The following NOL4L variants were observed in gnomAD, a reference collection of about 807,000 sequenced individuals.
NOL4L encodes nucleolar protein 4 like.
A neutral mutation model predicts 64.5 loss-of-function variants in NOL4L; 7 were observed. That is an observed-to-expected ratio of 0.11 (90% CI 0.06 to 0.20). The LOEUF is 0.20. Among genes scored for constraint, NOL4L ranks in the 10% least tolerant of loss-of-function variants. The pLI is 1.00. For synonymous variants in NOL4L, 413 were observed against 401.0 expected (o/e 1.03, Z -0.36); for missense variants, 680 against 967.1 (o/e 0.70, Z 3.94).
At chr20:32,481,165 C>G (rs1050744116) in intron 4 of NOL4L, among the ~76,000 whole-genome samples, 3 of 152,214 alleles carry the variant, frequency 2.0e-5, no homozygotes, top group African/African-American at 7.2e-5. Flanking sequence ...TGGAAGTGAG[C>G]ATTTCCCACA....
At chr20:32,580,260 C>T (rs1249896991) in intron 1 of NOL4L, among the ~76,000 whole-genome samples, 7 of 152,098 alleles carry the variant, frequency 4.6e-5, no homozygotes, top group African/African-American at 9.7e-5. Context: ...CAAGCTGATG[C>T]GTATCAGCGC....
At chr20:32,483,754 G>A (rs1161537167) in intron 4 of NOL4L, among the ~76,000 whole-genome samples, 1 of 131,828 alleles carries the variant, frequency 7.6e-6, no homozygotes, top group African/African-American at 2.9e-5. Flanking sequence ...GGAGGAGTGG[G>A]CACGGGGGGA....
At chr20:32,502,853 C>A (rs531816043) in intron 4 of NOL4L, among the ~76,000 whole-genome samples, 2 of 151,902 alleles carry the variant, frequency 1.3e-5, no homozygotes, top group African/African-American at 2.4e-5. Context: ...GAGGTTGCAA[C>A]GAGCCGAGAT....
chr20:32,499,229 G>A (rs2016820394), intron 4 of NOL4L, among the ~76,000 whole-genome samples: 3 of 152,064 alleles, frequency 2.0e-5, no homozygotes, highest in Non-Finnish European at 1.5e-5. Context: ...ACCATTTTAG[G>A]AGGATGGGGA....
chr20:32,549,388 A>T (rs1222965139), intron 1 of NOL4L, among the ~76,000 whole-genome samples: 1 of 152,216 alleles, frequency 6.6e-6, no homozygotes, highest in Non-Finnish European at 1.5e-5. Context: ...CCATCAGGGA[A>T]ATGCAAATCA....
chr20:32,517,134 G>A (rs1046791023), intron 3 of NOL4L, among the ~76,000 whole-genome samples: 34 of 152,164 alleles, frequency 2.2e-4, no homozygotes, highest in Non-Finnish European at 8.8e-5. Flanking sequence ...GGGAGGGCAC[G>A]GGGCTGTCCA....
rs370567175 is a variant in NOL4L at position 32,474,747 on chromosome 20, G to C, written c.700-5C>G. 2.1e-5 allele frequency: 34 copies of C among 1,604,406 alleles called. No individual in the cohort carries two copies. The highest frequency in any genetic ancestry group is 2.7e-5 in the Non-Finnish European group (32 of 1,174,618). On this transcript the variant is annotated splice_region_variant and splice_polypyrimidine_tract_variant and intron_variant, in intron 4 of 10. Transcript: ENST00000621426. Reference sequence around the variant, plus strand: ...GCTGCTCACAGAAGTCTCATCCTGAGCAGGGACAAAGAAGGTGGGCATTCA... The same window carrying C: ...GCTGCTCACAGAAGTCTCATCCTGACCAGGGACAAAGAAGGTGGGCATTCA...
At chr20:32,518,495 A>C (rs1426223985) in intron 3 of NOL4L, among the ~76,000 whole-genome samples, 1 of 152,232 alleles carries the variant, frequency 6.6e-6, no homozygotes, top group East Asian at 1.9e-4. Context: ...CGCAGCCATC[A>C]GTGAGGAGTG....
intron 5 of NOL4L, among the ~76,000 whole-genome samples, chr20:32,465,656 G>A (rs942129883): frequency 2.0e-5 from 3 of 152,258 alleles, no homozygotes; most frequent in Non-Finnish European, 2.9e-5. Flanking sequence ...AGGCCACCAT[G>A]TGTGAATGAT....
At position 32,479,867 on chromosome 20, in the gene NOL4L, G is replaced by A. The variant is rs2015613502; in HGVS notation, c.700-5125C>T. ...CCCCAACCTGGGAGCCCTGCCTCTG[G>A]GGCAGAGGGAGAGGAGCTGACCAGA... is the stretch of plus-strand genomic sequence containing the variant. On this transcript the variant is annotated intron_variant, in intron 4 of 10. Transcript: ENST00000621426. 2.0e-5 allele frequency among the ~76,000 whole-genome samples: 3 copies of A among 152,184 alleles called. No individual in the cohort carries two copies. The South Asian group carries it at 6.2e-4, about 32-fold the overall frequency.
At chr20:32,568,204 T>C (rs896680645) in intron 1 of NOL4L, among the ~76,000 whole-genome samples, 2 of 152,084 alleles carry the variant, frequency 1.3e-5, no homozygotes, top group Non-Finnish European at 2.9e-5. Context: ...AACTGTGTCA[T>C]GTAGCATCCG....
intron 10 of NOL4L, chr20:32,450,561 T>C (rs2012786980): frequency 1.3e-5 from 2 of 152,346 alleles, no homozygotes; most frequent in Non-Finnish European, 2.9e-5. Context: ...GGCTGCTGTT[T>C]GTGCCTCTTG....
chr20:32,476,198 G>GACAC (rs1167969757), intron 4 of NOL4L, among the ~76,000 whole-genome samples: 69,154 of 140,872 alleles, frequency 0.49, 18,027 homozygotes, highest in Middle Eastern at 0.64. Context: ...CACCCGGAGG[G>GACAC]ACACACACAC....
chr20:32,545,693 A>C (rs1284286173), intron 1 of NOL4L, among the ~76,000 whole-genome samples: 19 of 152,108 alleles, frequency 1.2e-4, no homozygotes, highest in Admixed American at 1.2e-3. Flanking sequence ...CATCCCATCC[A>C]TCAGCAAGTT....
chr20:32,521,961 T>TGAG (rs1408026724), intron 2 of NOL4L, among the ~76,000 whole-genome samples: 1 of 152,198 alleles, frequency 6.6e-6, no homozygotes, highest in African/African-American at 2.4e-5. Flanking sequence ...TGGCCAAGGG[T>TGAG]GAGGGGCTGC....
At chr20:32,492,301 A>C (rs1393930812) in intron 4 of NOL4L, among the ~76,000 whole-genome samples, 9 of 152,180 alleles carry the variant, frequency 5.9e-5, no homozygotes, top group Non-Finnish European at 1.0e-4. Flanking sequence ...ATGCTCACAC[A>C]CTTATGCTTG....
At chr20:32,576,506 G>A (rs1349843068) in intron 1 of NOL4L, among the ~76,000 whole-genome samples, 1 of 152,176 alleles carries the variant, frequency 6.6e-6, no homozygotes. Flanking sequence ...GAATGACCTG[G>A]GCTTGGGAAC....
chr20:32,453,349 C>T lies in NOL4L; in HGVS notation c.1452G>A (p.Thr484=), dbSNP rs749498655. 15 of 1,613,960 alleles carry T rather than the reference C, an allele frequency of 9.3e-6. No homozygotes were observed. The highest frequency in any genetic ancestry group is 3.3e-5 in the South Asian group (3 of 91,088). The stretch of plus-strand genomic sequence containing the variant: ...TCATGCGACGGCAGGACTTGAGGTA[C>T]GTGCGGATGCGCTTGCGGGCCCGCT... ...FQERARKRIR[T]YLKSCRRMKK... The change falls in exon 8 of 11, where the codon ACG becomes ACA. Residue 484 remains threonine, a synonymous_variant. Coordinates refer to ENST00000621426, the MANE Select transcript of NOL4L (RefSeq NM_001256798.2). The surrounding 1 kb of genome is among the most constrained non-coding windows in gnomAD (Gnocchi z 5.6).
chr20:32,558,781 G>GC (rs923709230), intron 1 of NOL4L, among the ~76,000 whole-genome samples: 1 of 152,206 alleles, frequency 6.6e-6, no homozygotes, highest in Non-Finnish European at 1.5e-5. Flanking sequence ...CCCCTGGGGA[G>GC]CCCCTGAAGG....
Sources: allele counts gnomAD v4.1 joint callset (sites outside exome capture counted in the v4.1 genomes callset), GRCh38; gene constraint gnomAD v4.1.1; non-coding constraint Gnocchi (gnomAD v3.1); transcripts MANE v1.5; gene names NCBI Gene and HGNC (gene_info 2026-07-23, HGNC 2026-07-21).